Variants in JOSD1 observed in about 807,000 individuals in gnomAD.
The protein encoded by JOSD1 is Josephin domain containing 1.
Under a neutral mutation model 24.3 loss-of-function variants are expected in JOSD1, and 11 were observed. The observed-to-expected ratio is 0.45, with a 90% CI of 0.29 to 0.75. The LOEUF is 0.75. JOSD1 is among the 30% of genes least tolerant of loss of function. The pLI is 0.11. For missense variants in JOSD1, 184 were observed against 253.5 expected (o/e 0.73, Z 1.86); for synonymous variants, 106 against 93.8 (o/e 1.13, Z -0.75).
chr22:38,688,409 TCCGCCA>T (rs2092507407), intron 4 of JOSD1, among the ~76,000 whole-genome samples: 1 of 152,220 alleles, frequency 6.6e-6, no homozygotes, highest in African/African-American at 2.4e-5. Flanking sequence ...ATTACAGGCG[TCCGCCA>T]CCACGCCTGG....
chr22:38,698,383 A>T (rs535253235), intron 2 of JOSD1, among the ~76,000 whole-genome samples: 2 of 152,302 alleles, frequency 1.3e-5, no homozygotes, highest in South Asian at 2.1e-4. Flanking sequence ...GCATCTGGGG[A>T]TTAACATTCT....
intron 2 of JOSD1, among the ~76,000 whole-genome samples, chr22:38,698,391 TCTC>T (rs1329915639): frequency 6.6e-6 from 1 of 152,206 alleles, no homozygotes; most frequent in East Asian, 1.9e-4. Flanking sequence ...GGATTAACAT[TCTC>T]CTAAGAGTAG....
chr22:38,692,869 T>C (rs1037012152), intron 2 of JOSD1, among the ~76,000 whole-genome samples: 1 of 151,950 alleles, frequency 6.6e-6, no homozygotes, highest in African/African-American at 2.4e-5. Context: ...AATTGGTTCC[T>C]TTCCCAAGTT....
Position 38,687,993 on chromosome 22 carries a change from A to T in JOSD1, c.518T>A (p.Leu173Gln). 1 of 1,611,182 alleles carries T rather than the reference A, an allele frequency of 6.2e-7. No homozygotes were observed. The change falls in exon 5 of 5, where the codon CTA (leucine) becomes CAA (glutamine). Residue 173 changes from leucine to glutamine, a missense_variant. Leu to Gln is a moderately radical substitution (Grantham distance 113). Transcript: ENST00000683374. ...IGGESELRKF[L>Q]KHHLRGKNCE... is the part of the protein sequence containing the mutation. ...GTTCTTTCCTCGCAAATGATGTTTTAGAAACTTCCTATGGAAAAAGAGATA... is the reference window on the plus strand; with the variant it reads ...GTTCTTTCCTCGCAAATGATGTTTTTGAAACTTCCTATGGAAAAAGAGATA...
chr22:38,692,834 T>G (rs1231989969), intron 2 of JOSD1, among the ~76,000 whole-genome samples: 2 of 140,354 alleles, frequency 1.4e-5, no homozygotes, highest in African/African-American at 2.7e-5. Context: ...AGAACACATA[T>G]GAAAGAAGGC....
chr22:38,700,817 G>A lies in JOSD1; in HGVS notation c.-649C>T, dbSNP rs1197328376. The stretch of plus-strand genomic sequence containing the variant: ...ACACAAACCTCCCCGCCCGTCACGT[G>A]AGCGCAGGCCCAGACGCCCTCCCGC... On this transcript the variant is annotated 5_prime_UTR_variant, in exon 1 of 5. Transcript: ENST00000683374. The A allele has an allele frequency of 1.7e-5, 17 of 985,028 alleles. No individual in the cohort carries two copies. Among genetic ancestry groups the A allele is most frequent in the African/African-American group, 3.5e-5 (2 of 57,256 alleles). The allele number at this position is 985,028 out of a possible 1,614,324, so 61.0% of individuals were successfully genotyped here. A position where few individuals can be genotyped will look rare whatever the true frequency, so the allele number is the denominator to read the frequency against.
At chr22:38,688,847 C>T in intron 4 of JOSD1, 88 bp downstream of exon 4, 1 of 1,241,396 alleles carries the variant, frequency 8.1e-7, no homozygotes, top group Non-Finnish European at 1.1e-6. Context: ...ATTTCATTTC[C>T]TTTGTCAAAT....
chr22:38,697,057 T>C (rs139706690), intron 2 of JOSD1, among the ~76,000 whole-genome samples: 56 of 152,376 alleles, frequency 3.7e-4, no homozygotes, highest in Non-Finnish European at 5.9e-4. Flanking sequence ...CACTTAAATC[T>C]AGTCTCAAGG....
At chr22:38,695,231 A>G (rs570803129) in intron 2 of JOSD1, among the ~76,000 whole-genome samples, 2 of 152,302 alleles carry the variant, frequency 1.3e-5, no homozygotes, top group African/African-American at 4.8e-5. Context: ...AAGTCTCTAG[A>G]GGTTAATACT....
intron 2 of JOSD1, among the ~76,000 whole-genome samples, chr22:38,692,492 C>T (rs2092527075): frequency 6.6e-6 from 1 of 152,042 alleles, no homozygotes; most frequent in African/African-American, 2.4e-5. Flanking sequence ...TAAATGAGAA[C>T]ACACTGCCAG....
rs879891325 is a variant in JOSD1, at chr22:38,687,637, A to G, written c.*265T>C. ...TAAGCTAGGATTCCCTCCCCGCTCCACTTTCTCCTCTGTCTCTTAAATAAA... is the reference window on the plus strand; with the variant it reads ...TAAGCTAGGATTCCCTCCCCGCTCCGCTTTCTCCTCTGTCTCTTAAATAAA... On this transcript the variant is annotated 3_prime_UTR_variant, in exon 5 of 5. Transcript: ENST00000683374. The G allele has an allele frequency of 9.3e-6, 4 of 430,206 alleles. No individual in the cohort carries two copies. Among genetic ancestry groups the G allele is most frequent in the Non-Finnish European group, 1.6e-5 (4 of 243,642 alleles). 26.6% of individuals were successfully genotyped at this position (430,206 alleles called of 1,614,324 possible).
rs2092512769 is a variant in JOSD1, at chr22:38,689,531, G to GGC, written c.186-108_186-107insGC. ...TTTACATCACTGCCCCTGGAAGTTA[G>GGC]TTTCCCCACATTCAAGTGCAATTTC... On this transcript the variant is annotated intron_variant, in intron 2 of 4. Coordinates refer to ENST00000683374, the MANE Select transcript of JOSD1 (RefSeq NM_001360236.2). 3 of 1,416,040 alleles carry GGC rather than the reference G, an allele frequency of 2.1e-6. No individual in the cohort carries two copies. The Admixed American group carries it at 6.5e-5, about 31-fold the overall frequency. 87.7% of individuals were successfully genotyped at this position (1,416,040 alleles called of 1,614,324 possible). A position where few individuals can be genotyped will look rare whatever the true frequency, so the allele number is the denominator to read the frequency against.
chr22:38,695,800 G>A (rs949346914), intron 2 of JOSD1, among the ~76,000 whole-genome samples: 13 of 150,922 alleles, frequency 8.6e-5, no homozygotes, highest in African/African-American at 2.7e-4. Flanking sequence ...GCTCACGCCT[G>A]TAATCCCAGC....
rs868230419 is a variant in JOSD1, at chr22:38,686,556, A to G, written c.*1346T>C. The G allele has an allele frequency of 2.0e-5, 3 of 152,404 alleles. No homozygotes were observed. Among genetic ancestry groups the G allele is most frequent in the Non-Finnish European group, 2.9e-5 (2 of 68,082 alleles). 9.4% of individuals were successfully genotyped at this position (152,404 alleles called of 1,614,324 possible). The stretch of plus-strand genomic sequence containing the variant: ...AAGTTACAAGAGAAAAGTGGCCTAC[A>G]ACTATCTGAAGAGGTAGGGGCGGGT... On this transcript the variant is annotated 3_prime_UTR_variant, in exon 5 of 5. Coordinates refer to ENST00000683374, the MANE Select transcript of JOSD1 (RefSeq NM_001360236.2).
rs763871382 is a variant in JOSD1, at chr22:38,699,776, A to C, written c.185+27T>G. ...ACAGAAATCCAGAAATATCAGTATC[A>C]AGATGCCAAGGAGAAGGGTCCCCTA... On this transcript the variant is annotated intron_variant, in intron 2 of 4. Coordinates refer to ENST00000683374, the MANE Select transcript of JOSD1 (RefSeq NM_001360236.2). The C allele has an allele frequency of 3.1e-6, 5 of 1,606,690 alleles. No individual in the cohort carries two copies. In the Admixed American group the frequency reaches 8.3e-5, roughly 27 times the overall value.
Position 38,689,056 on chromosome 22 carries a change from G to T in JOSD1, c.388C>A (p.Pro130Thr). The T allele has an allele frequency of 1.9e-6, 3 of 1,614,176 alleles. No individual in the cohort carries two copies. The highest frequency in any genetic ancestry group is 2.5e-6 in the Non-Finnish European group (3 of 1,180,026). Residue 130 changes from proline (P) to threonine (T), a missense_variant, in exon 4 of 5, where the codon CCA (proline) becomes ACA (threonine). By Grantham distance (38) the Pro-to-Thr change is conservative. Transcript: ENST00000683374. ...TGCCTTTTGAGGGGCAGTTTCAGTGGACCCCAGCATAGGCTGGAGGGCAGA... is the reference window on the plus strand; with the variant it reads ...TGCCTTTTGAGGGGCAGTTTCAGTGTACCCCAGCATAGGCTGGAGGGCAGA... The part of the protein sequence containing the change: ...MNLPSSLCWG[P>T]LKLPLKRQHW...
intron 2 of JOSD1, 44 bp from the exon 3 acceptor site, chr22:38,689,468 G>A (rs2092512592): frequency 6.2e-7 from 1 of 1,610,214 alleles, no homozygotes; most frequent in Non-Finnish European, 8.5e-7. Context: ...CTGGATGCCT[G>A]AACCCCCTGA....
intron 2 of JOSD1, 105 bp from the exon 3 acceptor site, chr22:38,689,529 T>TA: frequency 3.5e-6 from 5 of 1,430,166 alleles, no homozygotes; most frequent in Non-Finnish European, 4.7e-6. Flanking sequence ...CCCTGGAAGT[T>TA]AGTTTCCCCA....
chr22:38,692,535 T>A (rs1002230205), intron 2 of JOSD1, among the ~76,000 whole-genome samples: 4 of 151,838 alleles, frequency 2.6e-5, no homozygotes, highest in African/African-American at 9.7e-5. Context: ...TCCCAGCACT[T>A]TGGGAGGCCG....
Sources: gnomAD v4.1 joint callset for allele counts (sites outside exome capture counted in the v4.1 genomes callset) on GRCh38, gnomAD v4.1.1 for gene constraint, MANE v1.5 for transcripts, NCBI Gene and HGNC (gene_info 2026-07-23, HGNC 2026-07-21) for gene names.